The following CEP97 variants were observed in gnomAD, a reference collection of about 807,000 sequenced individuals.
CEP97 encodes the protein centrosomal protein 97.
CEP97 carries 43 observed loss-of-function variants against 73.1 expected under a neutral mutation model. The ratio of observed to expected loss-of-function variants is 0.59; its 90% CI spans 0.46 to 0.76. The LOEUF (loss-of-function observed/expected upper bound fraction) is 0.76, where lower values mean the gene tolerates loss of function less well. Ranked by LOEUF, CEP97 falls within the 30% of genes least tolerant of loss-of-function variation. The probability of loss-of-function intolerance (pLI) is 0.00; values close to 1 mark genes in which losing one functional copy is unlikely to be tolerated. For missense variants in CEP97, 939 were observed against 1,014.0 expected, an observed-to-expected ratio of 0.93 and a Z score of 1.00; for synonymous variants, 337 against 370.0, an observed-to-expected ratio of 0.91 and a Z score of 1.02.
At position 101,726,578 on chromosome 3, in the gene CEP97, TC is replaced by T. The variant is rs1352942601; in HGVS notation, c.44-14del. On this transcript the variant is annotated splice_polypyrimidine_tract_variant and intron_variant, in intron 1 of 10. Coordinates refer to ENST00000341893, the MANE Select transcript of CEP97 (RefSeq NM_024548.4). ...TATTTTATTTGTGTTTTCTAACATT[TC>T]CGTTTCTTTTCAAGGATCAGTGGTC... is the stretch of plus-strand genomic sequence containing the variant. The T allele has an allele frequency of 1.9e-6, 3 of 1,556,994 alleles. No individual in the cohort carries two copies. In the African/African-American group the frequency reaches 4.2e-5, roughly 22 times the overall value.
chr3:101,728,349 T>C (rs1052457091), intron 3 of CEP97, among the ~76,000 whole-genome samples: 1 of 151,340 alleles, frequency 6.6e-6, no homozygotes, highest in African/African-American at 2.4e-5. Context: ...AACCTCTGCC[T>C]CCTGGGTTTA....
intron 6 of CEP97, among the ~76,000 whole-genome samples, chr3:101,751,750 T>A (rs1003422170): frequency 2.0e-5 from 3 of 152,128 alleles, no homozygotes; most frequent in African/African-American, 7.2e-5. Context: ...CCTTTTTTTG[T>A]TTTCCATTTG....
intron 4 of CEP97, among the ~76,000 whole-genome samples, chr3:101,731,340 A>C (rs1938103897): frequency 6.6e-6 from 1 of 151,560 alleles, no homozygotes; most frequent in South Asian, 2.1e-4. Context: ...AGCTGGAAAT[A>C]CAGGTGCACC....
At chr3:101,729,345 A>G (rs1938018158) in intron 4 of CEP97, among the ~76,000 whole-genome samples, 1 of 152,130 alleles carries the variant, frequency 6.6e-6, no homozygotes, top group Non-Finnish European at 1.5e-5. Flanking sequence ...CTCAAAAAAA[A>G]AAAAAGGAAT....
At chr3:101,735,824 G>A (rs374790783) in intron 6 of CEP97, among the ~76,000 whole-genome samples, 2 of 152,152 alleles carry the variant, frequency 1.3e-5, no homozygotes, top group East Asian at 1.9e-4. Context: ...TCCCAGTGGC[G>A]CCTGGAACAC....
chr3:101,750,478 G>T (rs1032515112), intron 6 of CEP97, among the ~76,000 whole-genome samples: 11 of 152,296 alleles, frequency 7.2e-5, no homozygotes, highest in South Asian at 6.2e-4. Flanking sequence ...AATAGTTTCA[G>T]AAGGAATGGT....
Position 101,765,484 on chromosome 3 carries a change from A to C in CEP97, c.2531A>C (p.Glu844Ala). 6.2e-7 allele frequency: 1 copy of C among 1,614,194 alleles called. No individual in the cohort carries two copies. Among genetic ancestry groups the C allele is most frequent in the Non-Finnish European group, 8.5e-7 (1 of 1,180,024 alleles). Residue 844 changes from glutamate (E) to alanine (A), a missense_variant, in exon 11 of 11, where the codon GAA becomes GCA. Glu to Ala is a moderately radical substitution (Grantham distance 107). Coordinates refer to ENST00000341893, the MANE Select transcript of CEP97 (RefSeq NM_024548.4). ...CAAGAGAATTCTAAATTAAATGCAG[A>C]AGTTCAGGGGCAGCAGCCAGAATGT... ...QTQENSKLNA[E>A]VQGQQPECDS...
rs774925234 is a variant in CEP97, at chr3:101,724,648, T to G, written c.-29T>G. 4 of 1,613,942 alleles carry G rather than the reference T, an allele frequency of 2.5e-6. No homozygotes were observed. ...GCTCCACAGAGCCGCGGGAGGACGG[T>G]TGCCTGGTATTATTAGCAAGCAGCA... On this transcript the variant is annotated 5_prime_UTR_variant, in exon 1 of 11. Transcript: ENST00000341893.
intron 3 of CEP97, among the ~76,000 whole-genome samples, chr3:101,727,851 G>C (rs1937951623): frequency 1.3e-5 from 2 of 152,152 alleles, no homozygotes; most frequent in African/African-American, 4.8e-5. Flanking sequence ...AGAATATACA[G>C]TTTTAAAAGT....
In CEP97 at chr3:101,766,828, A is replaced by G. The variant is rs963647201; in HGVS notation, c.*1277A>G. ...AAGCATCTCTAAATTTAGGTGCTAAATATCTATTATTCTGTTGTAGTCATT... is the reference window on the plus strand; with the variant it reads ...AAGCATCTCTAAATTTAGGTGCTAAGTATCTATTATTCTGTTGTAGTCATT... On this transcript the variant is annotated 3_prime_UTR_variant, in exon 11 of 11. Coordinates refer to ENST00000341893, the MANE Select transcript of CEP97 (RefSeq NM_024548.4). 7.9e-5 allele frequency: 12 copies of G among 152,198 alleles called. No homozygotes were observed. The highest frequency in any genetic ancestry group is 2.7e-4 in the African/African-American group (11 of 41,450). 9.4% of individuals were successfully genotyped at this position (152,198 alleles called of 1,614,324 possible).
intron 3 of CEP97, among the ~76,000 whole-genome samples, chr3:101,728,525 A>G (rs1195038764): frequency 6.6e-6 from 1 of 151,070 alleles, no homozygotes; most frequent in South Asian, 2.1e-4. Flanking sequence ...CGGCCTCCCA[A>G]AGTGCTGGGA....
In CEP97 at chr3:101,744,583, C is replaced by CAA. The variant is rs530099390; in HGVS notation, c.729-10831_729-10830dup. ...GGGCAACAAGAGCAAAACTCTGTCT[C>CAA]AAAAAAAAAAAAAAAAAGGATAGAG... On this transcript the variant is annotated intron_variant, in intron 6 of 10. Coordinates refer to ENST00000341893, the MANE Select transcript of CEP97 (RefSeq NM_024548.4). Among the ~76,000 whole-genome samples, 44 of 79,820 alleles carry CAA rather than the reference C, an allele frequency of 5.5e-4. No homozygotes were observed. In the East Asian group the frequency reaches 6.0e-3, roughly 11 times the overall value. The allele number at this position is 79,820 out of a possible 152,430, so 52.4% of individuals were successfully genotyped here.
chr3:101,736,442 T>C (rs1309597280), intron 6 of CEP97, among the ~76,000 whole-genome samples: 2 of 152,198 alleles, frequency 1.3e-5, no homozygotes, highest in Non-Finnish European at 2.9e-5. Context: ...ACACCTCATA[T>C]AGGAGAACTC....
rs1939386085 is a variant in CEP97 at position 101,768,902 on chromosome 3, G to T, written c.*3351G>T. 1.3e-5 allele frequency: 2 copies of T among 152,050 alleles called. No homozygotes were observed. The highest frequency in any genetic ancestry group is 4.2e-4 in the South Asian group (2 of 4,818). The allele number at this position is 152,050 out of a possible 1,614,324, so 9.4% of individuals were successfully genotyped here. On this transcript the variant is annotated 3_prime_UTR_variant, in exon 11 of 11. Transcript: ENST00000341893. The stretch of plus-strand genomic sequence containing the variant: ...TATGCAATTTAGTTTGATTTTATAG[G>T]TTTAATTATAAAAGGCTTCACAATA...
intron 6 of CEP97, among the ~76,000 whole-genome samples, chr3:101,752,347 T>C (rs991210974): frequency 2.4e-4 from 37 of 152,174 alleles, no homozygotes; most frequent in African/African-American, 8.0e-4. Flanking sequence ...TCATTTCAAC[T>C]TTGGTGAATC....
At chr3:101,724,911 G>T (rs1447294516) in intron 1 of CEP97, among the ~76,000 whole-genome samples, 192 bp downstream of exon 1, 1 of 152,226 alleles carries the variant, frequency 6.6e-6, no homozygotes, top group Admixed American at 6.5e-5. Flanking sequence ...CCGGCGTCGC[G>T]GTGAGGGCCG....
At chr3:101,728,766 A>G (rs1240154337) in intron 3 of CEP97, 70 bp from the exon 4 acceptor site, 1 of 985,592 alleles carries the variant, frequency 1.0e-6, no homozygotes, top group South Asian at 1.3e-5. Flanking sequence ...TTCAGCTGCA[A>G]AGAACTAGGG....
At chr3:101,731,985 G>A in intron 5 of CEP97, 32 bp downstream of exon 5, 1 of 1,264,820 alleles carries the variant, frequency 7.9e-7, no homozygotes, top group South Asian at 1.2e-5. Flanking sequence ...TGAGATTCAG[G>A]AAGCTGGAAA....
At chr3:101,754,721 C>T (rs537510189) in intron 6 of CEP97, among the ~76,000 whole-genome samples, 2 of 152,060 alleles carry the variant, frequency 1.3e-5, no homozygotes, top group East Asian at 1.9e-4. Context: ...TCTCTCTCTC[C>T]CTTGCTTTTC....
Sources: gnomAD v4.1 joint callset for allele counts (sites outside exome capture counted in the v4.1 genomes callset) on GRCh38, gnomAD v4.1.1 for gene constraint, MANE v1.5 for transcripts, NCBI Gene and HGNC (gene_info 2026-07-23, HGNC 2026-07-21) for gene names.